The following CSMD2 variants were observed in gnomAD, a reference collection of about 807,000 sequenced individuals.
CSMD2 encodes the protein CUB and Sushi multiple domains 2, also known as CUB and sushi domain-containing protein 2.
In CSMD2, 130 loss-of-function variants were observed where a neutral mutation model predicts 398.5. The observed-to-expected ratio is 0.33, with a 90% CI of 0.28 to 0.38. CSMD2 has a LOEUF of 0.38. CSMD2 is among the 10% of genes least tolerant of loss of function. The probability of loss-of-function intolerance (pLI) is 1.00; values close to 1 mark genes in which losing one functional copy is unlikely to be tolerated. For synonymous variants in CSMD2, 1,828 were observed against 1,908.5 expected, an observed-to-expected ratio of 0.96 and a Z score of 1.10; for missense variants, 3,829 against 4,764.9, an observed-to-expected ratio of 0.80 and a Z score of 5.78.
At position 33,792,540 on chromosome 1, in the gene CSMD2, A is replaced by T; in HGVS notation, c.1447-14T>A. The T allele has an allele frequency of 3.1e-6, 5 of 1,590,674 alleles. No homozygotes were observed. The highest frequency in any genetic ancestry group is 4.3e-6 in the Non-Finnish European group (5 of 1,158,696). ...GAGCTTGATCACCTAGGGAGGGAAC[A>T]CAGGGTTAGGAGCAGGCAGGGGCTG... On this transcript the variant is annotated splice_polypyrimidine_tract_variant and intron_variant, in intron 10 of 70. Coordinates refer to ENST00000373381, the MANE Select transcript of CSMD2 (RefSeq NM_001281956.2).
At chr1:34,099,931 G>C (rs138990116) in intron 1 of CSMD2, among the ~76,000 whole-genome samples, 1 of 152,280 alleles carries the variant, frequency 6.6e-6, no homozygotes, top group African/African-American at 2.4e-5. Flanking sequence ...GATTGTAATA[G>C]GCAAGATTGG....
chr1:33,800,837 T>C (rs1200451169), intron 10 of CSMD2, among the ~76,000 whole-genome samples: 2 of 152,156 alleles, frequency 1.3e-5, no homozygotes, highest in African/African-American at 4.8e-5. Flanking sequence ...GGCTTTGGAC[T>C]TGAGGAGGCT....
At chr1:34,152,104 G>A (rs1348940026) in intron 1 of CSMD2, among the ~76,000 whole-genome samples, 1 of 152,098 alleles carries the variant, frequency 6.6e-6, no homozygotes, top group Non-Finnish European at 1.5e-5. Flanking sequence ...TCCCACCTCG[G>A]CCTTCCAAAC....
chr1:33,881,965 T>C (rs1462092383), intron 5 of CSMD2, among the ~76,000 whole-genome samples: 2 of 152,202 alleles, frequency 1.3e-5, no homozygotes, highest in Non-Finnish European at 2.9e-5. Context: ...ATATTGGACA[T>C]ATACTGTTTC....
intron 5 of CSMD2, among the ~76,000 whole-genome samples, chr1:33,891,955 C>T (rs973440120): frequency 2.7e-5 from 4 of 148,306 alleles, no homozygotes; most frequent in Admixed American, 6.7e-5. Context: ...TGCTAAATGA[C>T]GAGTTAATGG....
In CSMD2 at chr1:33,602,375, G is replaced by A. The variant is rs1226036047; in HGVS notation, c.6704C>T (p.Thr2235Ile). The stretch of plus-strand genomic sequence containing the variant: ...GACATGGCACCTGGCCTACCAGATG[G>A]TGATGAAATCTCCAGAGGGCTCTGT... ...LQTEPSGDFI[T>I]IWDGPQQTAP... is the part of the protein sequence containing the mutation. Residue 2235 changes from threonine (T) to isoleucine (I), a missense_variant, in exon 43 of 71, where the codon ACC (threonine) becomes ATC (isoleucine). By Grantham distance (89) the Thr-to-Ile change is moderately conservative. Transcript: ENST00000373381. The A allele has an allele frequency of 6.2e-7, 1 of 1,613,890 alleles. No individual in the cohort carries two copies. Among genetic ancestry groups the A allele is most frequent in the Admixed American group, 1.7e-5 (1 of 60,008 alleles).
intron 3 of CSMD2, among the ~76,000 whole-genome samples, chr1:33,948,556 T>C (rs763111831): frequency 1.3e-5 from 2 of 152,196 alleles, no homozygotes; most frequent in Non-Finnish European, 2.9e-5. Flanking sequence ...CACATGACAA[T>C]GGATACAACA....
Position 33,605,347 on chromosome 1 carries a change from T to C in CSMD2, c.6467A>G (p.His2156Arg), listed in dbSNP as rs1557608753. ...ECLPGYQLTG[H>R]PVLTCQHGTN... Reference sequence around the variant, plus strand: ...GCCATGTTGACACGTGAGGACAGGGTGGCCAGTCAATTGATACCCCGGGAG... The same window carrying C: ...GCCATGTTGACACGTGAGGACAGGGCGGCCAGTCAATTGATACCCCGGGAG... The change falls in exon 42 of 71, where the codon CAC becomes CGC. Residue 2156 changes from histidine to arginine, a missense_variant. Coordinates refer to ENST00000373381, the MANE Select transcript of CSMD2 (RefSeq NM_001281956.2). The C allele has an allele frequency of 1.9e-6, 3 of 1,614,076 alleles. No homozygotes were observed. The highest frequency in any genetic ancestry group is 1.1e-5 in the South Asian group (1 of 91,070).
At chr1:34,112,877 T>C (rs1157811334) in intron 1 of CSMD2, 1 of 152,254 alleles carries the variant, frequency 6.6e-6, no homozygotes. Context: ...ACAATGCTCA[T>C]GGCTGAGGGG....
intron 53 of CSMD2, among the ~76,000 whole-genome samples, chr1:33,565,007 C>T (rs886553713): frequency 6.6e-6 from 1 of 152,094 alleles, no homozygotes; most frequent in African/African-American, 2.4e-5. Flanking sequence ...AAAACCCAGG[C>T]CTGCAGCCTA....
chr1:33,623,348 A>T (rs1299725069), intron 36 of CSMD2, 22 bp downstream of exon 36: 35 of 1,554,724 alleles, frequency 2.3e-5, no homozygotes, highest in Non-Finnish European at 3.1e-5. Flanking sequence ...TCCAAATTGA[A>T]GCCCCTGGAA....
At chr1:33,747,919 A>G (rs1417997064) in intron 13 of CSMD2, among the ~76,000 whole-genome samples, 3 of 152,246 alleles carry the variant, frequency 2.0e-5, no homozygotes, top group African/African-American at 7.2e-5. Context: ...GGTGGAGGCA[A>G]ATGTGAACAA....
chr1:33,866,437 A>G (rs1297534109), intron 5 of CSMD2, among the ~76,000 whole-genome samples: 3 of 152,216 alleles, frequency 2.0e-5, no homozygotes, highest in African/African-American at 7.2e-5. Flanking sequence ...TCATGAAGGA[A>G]GCAGCCTTAT....
intron 3 of CSMD2, among the ~76,000 whole-genome samples, chr1:34,003,201 A>C (rs1646954252): frequency 6.6e-6 from 1 of 151,164 alleles, no homozygotes; most frequent in Admixed American, 6.6e-5. Context: ...TAGGAGCTGG[A>C]GGAGTATTAT....
At chr1:33,790,802 TATC>T (rs1034202624) in intron 11 of CSMD2, among the ~76,000 whole-genome samples, 2 of 13,572 alleles carry the variant, frequency 1.5e-4, no homozygotes, top group South Asian at 1.8e-3. Flanking sequence ...ATCTCTCTAA[TATC>T]TATCTATCTA....
intron 6 of CSMD2, among the ~76,000 whole-genome samples, chr1:33,837,819 C>A (rs1200626999): frequency 6.6e-6 from 1 of 152,246 alleles, no homozygotes; most frequent in African/African-American, 2.4e-5. Context: ...ACATTCATCT[C>A]CTCCGAATGA....
At chr1:33,857,246 G>C (rs932424941) in intron 5 of CSMD2, among the ~76,000 whole-genome samples, 2 of 152,186 alleles carry the variant, frequency 1.3e-5, no homozygotes, top group African/African-American at 4.8e-5. Context: ...AAGGTGCCTG[G>C]CACATAGCAT....
rs532954576 is a variant in CSMD2, at chr1:34,107,230, C to T, written c.188-18037G>A. ...TGGTCCACGGGACAATGGCTAAGCA[C>T]AGGAACAGACTCATGAAAGTTGAGG... On this transcript the variant is annotated intron_variant, in intron 1 of 70. Coordinates refer to ENST00000373381, the MANE Select transcript of CSMD2 (RefSeq NM_001281956.2). Among the ~76,000 whole-genome samples, 5 of 152,308 alleles carry T rather than the reference C, an allele frequency of 3.3e-5. No homozygotes were observed. In the East Asian group the frequency reaches 5.8e-4, roughly 18 times the overall value.
At chr1:33,877,926 A>G (rs963771516) in intron 5 of CSMD2, among the ~76,000 whole-genome samples, 2 of 152,022 alleles carry the variant, frequency 1.3e-5, no homozygotes, top group African/African-American at 4.8e-5. Flanking sequence ...AGCTGATTGG[A>G]CAAGGAGTGG....
Sources: allele counts gnomAD v4.1 joint callset (sites outside exome capture counted in the v4.1 genomes callset), GRCh38; gene constraint gnomAD v4.1.1; transcripts MANE v1.5; gene names NCBI Gene and HGNC (gene_info 2026-07-23, HGNC 2026-07-21).